NECTIN1: variants seen among roughly 807,000 people sequenced by gnomAD.
NECTIN1 encodes nectin-1.
In NECTIN1, 23 loss-of-function variants were observed where a neutral mutation model predicts 48.0. The observed-to-expected ratio is 0.48, with a 90% confidence interval of 0.34 to 0.68. NECTIN1 has a LOEUF of 0.68. Among genes scored for constraint, NECTIN1 ranks in the 30% least tolerant of loss-of-function variants. The pLI is 0.01. For missense variants in NECTIN1, 591 were observed against 709.9 expected, an observed-to-expected ratio of 0.83 and a Z score of 1.90; for synonymous variants, 270 against 288.9, an observed-to-expected ratio of 0.93 and a Z score of 0.66.
Position 119,709,191 on chromosome 11 carries a change from G to A in NECTIN1, c.79+19284C>T, listed in dbSNP as rs1322110034. Reference sequence around the variant, plus strand: ...GGTCCCTTGGTAATAGAACAGGCACGAAGAGGCTTTGCCATAGATGGGGAA... The same window carrying A: ...GGTCCCTTGGTAATAGAACAGGCACAAAGAGGCTTTGCCATAGATGGGGAA... On this transcript the variant is annotated intron_variant, in intron 1 of 5. Coordinates refer to ENST00000264025, the MANE Select transcript of NECTIN1 (RefSeq NM_002855.5). The surrounding 1 kb of genome is among the most constrained non-coding windows in gnomAD (Gnocchi z 4.1). 2.0e-5 allele frequency among the ~76,000 whole-genome samples: 3 copies of A among 152,138 alleles called. No individual in the cohort carries two copies. Among genetic ancestry groups the A allele is most frequent in the East Asian group, 1.9e-4 (1 of 5,188 alleles).
chr11:119,680,515 C>T (rs1289755030), intron 1 of NECTIN1, among the ~76,000 whole-genome samples: 2 of 152,218 alleles, frequency 1.3e-5, no homozygotes, highest in African/African-American at 2.4e-5. Context: ...TGTAGCAACA[C>T]AGGCTCCTCT....
intron 1 of NECTIN1, among the ~76,000 whole-genome samples, chr11:119,715,654 T>C (rs1356564390): frequency 1.3e-5 from 2 of 152,108 alleles, no homozygotes; most frequent in African/African-American, 4.8e-5. Context: ...CTGTGCCCAG[T>C]GGGCTCAGGT....
chr11:119,702,470 G>A (rs1335703184), intron 1 of NECTIN1, among the ~76,000 whole-genome samples: 2 of 152,218 alleles, frequency 1.3e-5, no homozygotes, highest in African/African-American at 2.4e-5. Context: ...GTACTGCTAG[G>A]CTAACTCTGC....
Position 119,714,298 on chromosome 11 carries a change from G to T in NECTIN1, c.79+14177C>A, listed in dbSNP as rs181010233. Among the ~76,000 whole-genome samples the T allele has an allele frequency of 2.6e-4, 39 of 152,260 alleles. 1 individual carries two copies. Among genetic ancestry groups the T allele is most frequent in the African/African-American group, 8.7e-4 (36 of 41,546 alleles). On this transcript the variant is annotated intron_variant, in intron 1 of 5. Transcript: ENST00000264025. ...TCTGTATCCCAATGCCAAAAGCGGG[G>T]TGCCTCACCCTGACACATGCTGTGG...
At chr11:119,649,517 G>A (rs1394942724) in intron 5 of NECTIN1, among the ~76,000 whole-genome samples, 5 of 152,004 alleles carry the variant, frequency 3.3e-5, no homozygotes, top group South Asian at 2.1e-4. Flanking sequence ...GTGAAACCCC[G>A]TCTCTACTAA....
chr11:119,716,954 G>C (rs1865752919), intron 1 of NECTIN1, among the ~76,000 whole-genome samples: 1 of 152,262 alleles, frequency 6.6e-6, no homozygotes, highest in South Asian at 2.1e-4. Context: ...AAAAACACTT[G>C]TAAAGAAACA....
intron 1 of NECTIN1, among the ~76,000 whole-genome samples, chr11:119,728,145 G>T (rs1865945339): frequency 6.6e-6 from 1 of 152,228 alleles, no homozygotes; most frequent in Non-Finnish European, 1.5e-5. Context: ...TATGTAACAC[G>T]CAGTGTTTCC....
Position 119,665,155 on chromosome 11 carries a change from C to G in NECTIN1, c.1146G>C (p.Arg382=), listed in dbSNP as rs780459663. The part of the protein sequence containing the change: ...GGIVVALRRR[R]HTFKGDYSTK... ...TGCTGTAGTCACCCTTGAAGGTGTG[C>G]CGGCGCCGACGCAGGGCGACCACGA... The change falls in exon 6 of 6, where the codon CGG becomes CGC. Residue 382 remains arginine, a synonymous_variant. Coordinates refer to ENST00000264025, the MANE Select transcript of NECTIN1 (RefSeq NM_002855.5). This position sits in a 1 kb window ranked among gnomAD's most constrained non-coding sequence, Gnocchi z 5.1. The G allele has an allele frequency of 1.3e-5, 21 of 1,613,072 alleles. No individual in the cohort carries two copies. The highest frequency in any genetic ancestry group is 2.2e-5 in the East Asian group (1 of 44,878).
intron 1 of NECTIN1, among the ~76,000 whole-genome samples, chr11:119,681,943 G>A (rs554023603): frequency 6.6e-6 from 1 of 152,292 alleles, no homozygotes; most frequent in South Asian, 2.1e-4. Context: ...TGACCCATGG[G>A]GTGAGCATAA....
intron 5 of NECTIN1, among the ~76,000 whole-genome samples, chr11:119,655,152 C>T (rs1478749355): frequency 6.6e-6 from 1 of 151,694 alleles, no homozygotes; most frequent in Admixed American, 6.6e-5. Context: ...CTCAGGTGAT[C>T]CACCCACCTC....
intron 1 of NECTIN1, among the ~76,000 whole-genome samples, chr11:119,691,911 CA>C (rs1865260886): frequency 6.6e-6 from 1 of 152,156 alleles, no homozygotes; most frequent in Non-Finnish European, 1.5e-5. Flanking sequence ...CATCACTTGG[CA>C]AAATGCTGAG....
Position 119,728,643 on chromosome 11 carries a change from C to G in NECTIN1, c.-90G>C. 1.9e-6 allele frequency: 1 copy of G among 522,688 alleles called. No individual in the cohort carries two copies. The highest frequency in any genetic ancestry group is 2.7e-6 in the Non-Finnish European group (1 of 374,128). The allele number at this position is 522,688 out of a possible 1,614,324, so 32.4% of individuals were successfully genotyped here. ...CCGGAAGATGAGGGAAGATCGCTGG[C>G]GGTCGGCGGGCGCTCGAAGGATCCA... On this transcript the variant is annotated 5_prime_UTR_variant, in exon 1 of 6. Transcript: ENST00000264025.
chr11:119,660,749 C>T (rs997361859), downstream of NECTIN1, among the ~76,000 whole-genome samples: 6 of 152,164 alleles, frequency 3.9e-5, no homozygotes, highest in Admixed American at 2.0e-4. Context: ...TGTCTGTGGA[C>T]GCCCACCCCT....
chr11:119,691,618 G>C (rs1865254221), intron 1 of NECTIN1, among the ~76,000 whole-genome samples: 1 of 152,232 alleles, frequency 6.6e-6, no homozygotes, highest in South Asian at 2.1e-4. Context: ...AGGGGCGGTG[G>C]GAAGGCAGAG....
rs772163780 is a variant in NECTIN1 at position 119,677,803 on chromosome 11, C to T, written c.485G>A (p.Gly162Glu). 2 of 1,614,002 alleles carry T rather than the reference C, an allele frequency of 1.2e-6. No individual in the cohort carries two copies. Among genetic ancestry groups the T allele is most frequent in the African/African-American group, 2.7e-5 (2 of 74,904 alleles). ...GGCCACCAGGACCTTGTCATCCTGC[C>T]CCTTCTTGGCTCGAAGCACTGCCTG... ...GTQAVLRAKK[G>E]QDDKVLVATC... The change falls in exon 3 of 6, where the codon GGG (glycine) becomes GAG (glutamate). Residue 162 changes from glycine (G) to glutamate (E), a missense_variant. Physicochemically the swap from Gly to Glu is moderately conservative, Grantham distance 98. Transcript: ENST00000264025. The surrounding 1 kb of genome is among the most constrained non-coding windows in gnomAD (Gnocchi z 5.4).
chr11:119,677,372 G>A lies in NECTIN1; in HGVS notation c.734-153C>T, dbSNP rs574478623. 3.0e-4 allele frequency among the ~76,000 whole-genome samples: 45 copies of A among 152,002 alleles called. No homozygotes were observed. Among genetic ancestry groups the A allele is most frequent in the Non-Finnish European group, 6.2e-4 (42 of 67,984 alleles). On this transcript the variant is annotated intron_variant, in intron 3 of 5. Transcript: ENST00000264025. The surrounding 1 kb of genome is among the most constrained non-coding windows in gnomAD (Gnocchi z 5.4). ...TGGGAGGGTGGCAATCACAGAGCCC[G>A]GGAGTGGAAACAGGAGGGCGACAGG...
In NECTIN1 at chr11:119,697,784, C is replaced by G. The variant is rs542392136; in HGVS notation, c.80-19019G>C. Among the ~76,000 whole-genome samples the G allele has an allele frequency of 4.9e-4, 74 of 152,328 alleles. 1 individual carries two copies. Among genetic ancestry groups the G allele is most frequent in the African/African-American group, 1.7e-3 (70 of 41,578 alleles). On this transcript the variant is annotated intron_variant, in intron 1 of 5. Transcript: ENST00000264025. The stretch of plus-strand genomic sequence containing the variant: ...GACACTGCCCCTTGGTTTTCTGTCT[C>G]CTCAACTGGAACCCTCTCTTAAGAC...
Position 119,665,411 on chromosome 11 carries a change from C to A in NECTIN1, c.1004-114G>T. 1.4e-6 allele frequency: 2 copies of A among 1,453,436 alleles called. No homozygotes were observed. The highest frequency in any genetic ancestry group is 2.4e-5 in the East Asian group (1 of 41,066). 90.0% of individuals were successfully genotyped at this position (1,453,436 alleles called of 1,614,324 possible). On this transcript the variant is annotated intron_variant, in intron 5 of 5. Coordinates refer to ENST00000264025, the MANE Select transcript of NECTIN1 (RefSeq NM_002855.5). The surrounding 1 kb of genome is among the most constrained non-coding windows in gnomAD (Gnocchi z 5.1). ...CCAGGAAGGACAGGCTGTCTGCACC[C>A]CAGGTTTGAGCAGCTCCAGTTCGAG...
At chr11:119,716,148 G>T (rs1049570134) in intron 1 of NECTIN1, among the ~76,000 whole-genome samples, 1 of 152,162 alleles carries the variant, frequency 6.6e-6, no homozygotes. Context: ...CTGGGTTGGG[G>T]GGGCGGATCT....
Sources: allele counts gnomAD v4.1 joint callset (sites outside exome capture counted in the v4.1 genomes callset), GRCh38; gene constraint gnomAD v4.1.1; non-coding constraint Gnocchi (gnomAD v3.1); transcripts MANE v1.5; gene names NCBI Gene and HGNC (gene_info 2026-07-23, HGNC 2026-07-21).